GRID2: variants seen among roughly 807,000 people sequenced by gnomAD.
GRID2 encodes glutamate receptor ionotropic, delta-2.
Under a neutral mutation model 114.8 loss-of-function variants are expected in GRID2, and 33 were observed. That is an observed-to-expected ratio of 0.29 (90% CI 0.22 to 0.38). GRID2 has a LOEUF of 0.38. GRID2 is among the 10% of genes least tolerant of loss of function. The pLI is 1.00. For synonymous variants in GRID2, 505 were observed against 449.9 expected (o/e 1.12, Z -1.55); for missense variants, 1,184 against 1,257.7 (o/e 0.94, Z 0.89).
chr4:93,141,816 A>G (rs1278509602), intron 4 of GRID2, among the ~76,000 whole-genome samples: 1 of 152,182 alleles, frequency 6.6e-6, no homozygotes, highest in African/African-American at 2.4e-5. Flanking sequence ...TTTTTGTAGC[A>G]TTGTGCTATA....
chr4:93,042,698 T>TATATGCATATATATATAG (rs1553971706), intron 2 of GRID2, among the ~76,000 whole-genome samples: 3 of 144,576 alleles, frequency 2.1e-5, no homozygotes, highest in African/African-American at 7.5e-5. Context: ...TATGCATATA[T>TATATGCATATATATATAG]ATATGCATAT....
chr4:92,555,632 C>A (rs574985924), intron 1 of GRID2, among the ~76,000 whole-genome samples: 6 of 152,114 alleles, frequency 3.9e-5, no homozygotes, highest in African/African-American at 1.4e-4. Context: ...GGCATGTTCT[C>A]GAGGCTTTTT....
chr4:92,934,570 G>A lies in GRID2; in HGVS notation c.245-150425G>A, dbSNP rs1409676751. 2.1e-5 allele frequency among the ~76,000 whole-genome samples: 3 copies of A among 146,284 alleles called. 1 individual carries two copies. Among genetic ancestry groups the A allele is most frequent in the Non-Finnish European group, 4.5e-5 (3 of 66,162 alleles). ...TTCATATGGAACCAAAAAAGAGCCT[G>A]CATCGCCAAGTCAATCCTAAGCCAA... On this transcript the variant is annotated intron_variant, in intron 2 of 15. Transcript: ENST00000282020.
chr4:93,712,178 A>G (rs907552131), intron 14 of GRID2, among the ~76,000 whole-genome samples: 12 of 152,134 alleles, frequency 7.9e-5, no homozygotes, highest in African/African-American at 2.9e-4. Flanking sequence ...CAATCTTTTC[A>G]TAATGGTTTA....
chr4:92,632,101 A>G (rs921355), intron 2 of GRID2, among the ~76,000 whole-genome samples: 39,398 of 152,078 alleles, frequency 0.26, 5,097 homozygotes, highest in South Asian at 0.32. Context: ...TGTATTCACT[A>G]TTTCAAAGGT....
chr4:92,653,291 G>A (rs1732061667), intron 2 of GRID2, among the ~76,000 whole-genome samples: 2 of 147,734 alleles, frequency 1.4e-5, no homozygotes, highest in African/African-American at 2.5e-5. Context: ...GAGCCATCGC[G>A]CCTGGCCAAA....
At chr4:93,311,233 A>G (rs1225207671) in intron 8 of GRID2, among the ~76,000 whole-genome samples, 1 of 152,140 alleles carries the variant, frequency 6.6e-6, no homozygotes, top group Non-Finnish European at 1.5e-5. Context: ...TCAAAAAGCC[A>G]TCTCAAATTC....
At chr4:92,366,977 G>GA (rs1728901220) in intron 1 of GRID2, among the ~76,000 whole-genome samples, 1 of 152,044 alleles carries the variant, frequency 6.6e-6, no homozygotes, top group Non-Finnish European at 1.5e-5. Flanking sequence ...GATTCATTTT[G>GA]TTGTCATACC....
At chr4:92,541,439 T>C (rs1725944600) in intron 1 of GRID2, among the ~76,000 whole-genome samples, 1 of 151,926 alleles carries the variant, frequency 6.6e-6, no homozygotes, top group African/African-American at 2.4e-5. Flanking sequence ...ATTTGAAAGC[T>C]TCATGGAATG....
chr4:93,787,130 C>T (rs1275818092), intron 1 of GRID2, among the ~76,000 whole-genome samples: 4 of 151,498 alleles, frequency 2.6e-5, no homozygotes, highest in African/African-American at 7.3e-5. Flanking sequence ...ATCCAGTTGG[C>T]AGATGAGGTA....
At chr4:93,190,657 T>C (rs1039050835) in intron 4 of GRID2, among the ~76,000 whole-genome samples, 2 of 152,110 alleles carry the variant, frequency 1.3e-5, no homozygotes, top group African/African-American at 4.8e-5. Context: ...TTTTGAACAG[T>C]GTCAACTTTT....
At chr4:92,512,176 A>G (rs935127306) in intron 1 of GRID2, among the ~76,000 whole-genome samples, 1 of 151,808 alleles carries the variant, frequency 6.6e-6, no homozygotes, top group Admixed American at 6.6e-5. Context: ...TTCAAGGTTC[A>G]TTTATGCTGT....
At chr4:92,388,673 C>T (rs1730095805) in intron 1 of GRID2, among the ~76,000 whole-genome samples, 1 of 151,996 alleles carries the variant, frequency 6.6e-6, no homozygotes, top group African/African-American at 2.4e-5. Flanking sequence ...ATTGAGAACT[C>T]CCTACTTCCG....
At chr4:93,233,830 C>T (rs1746441018) in intron 7 of GRID2, among the ~76,000 whole-genome samples, 1 of 151,958 alleles carries the variant, frequency 6.6e-6, no homozygotes, top group South Asian at 2.1e-4. Context: ...AGTAGATATC[C>T]TTGAGGATAT....
intron 2 of GRID2, among the ~76,000 whole-genome samples, chr4:92,731,182 A>T (rs1389982704): frequency 6.6e-6 from 1 of 151,938 alleles, no homozygotes; most frequent in African/African-American, 2.4e-5. Context: ...TATAGAATTT[A>T]GAGACTAAAT....
At chr4:92,845,563 A>G (rs1232426181) in intron 2 of GRID2, among the ~76,000 whole-genome samples, 1 of 152,098 alleles carries the variant, frequency 6.6e-6, no homozygotes, top group Non-Finnish European at 1.5e-5. Context: ...CATAGTAAAT[A>G]TACCATCCTG....
At chr4:92,636,703 TA>T (rs1251546243) in intron 2 of GRID2, among the ~76,000 whole-genome samples, 1 of 152,058 alleles carries the variant, frequency 6.6e-6, no homozygotes, top group African/African-American at 2.4e-5. Flanking sequence ...TGCAGCTCTG[TA>T]AAGTGTGTGA....
In GRID2 at chr4:92,361,700, T is replaced by C. The variant is rs536410448; in HGVS notation, c.88+56956T>C. Reference sequence around the variant, plus strand: ...GGATATAAAAAAGTTTGCCCATCTGTTGTAAATTTTTTTAAGTCTCCAAAT... The same window carrying C: ...GGATATAAAAAAGTTTGCCCATCTGCTGTAAATTTTTTTAAGTCTCCAAAT... On this transcript the variant is annotated intron_variant, in intron 1 of 15. Transcript: ENST00000282020. Among the ~76,000 whole-genome samples the C allele has an allele frequency of 1.1e-4, 16 of 152,104 alleles. No homozygotes were observed. The East Asian group carries it at 3.1e-3, about 29-fold the overall frequency.
chr4:92,992,207 G>A (rs778036408), intron 2 of GRID2, among the ~76,000 whole-genome samples: 6 of 152,090 alleles, frequency 3.9e-5, no homozygotes, highest in Admixed American at 6.6e-5. Flanking sequence ...AGGTAAATAC[G>A]GGACTTTTCC....
Sources: gnomAD v4.1 joint callset for allele counts (sites outside exome capture counted in the v4.1 genomes callset) on GRCh38, gnomAD v4.1.1 for gene constraint, MANE v1.5 for transcripts, NCBI Gene and HGNC (gene_info 2026-07-23, HGNC 2026-07-21) for gene names.